The following OR56A3 variants were observed in gnomAD, a reference collection of about 807,000 sequenced individuals.
The protein encoded by OR56A3 is olfactory receptor 56A3.
Under a neutral mutation model 17.5 loss-of-function variants are expected in OR56A3, and 23 were observed. The ratio of observed to expected loss-of-function variants is 1.32; its 90% CI spans 0.95 to 1.87. The LOEUF (loss-of-function observed/expected upper bound fraction) is 1.87. OR56A3 is among the 40% of genes most tolerant of loss of function. The pLI, the probability that OR56A3 is intolerant of heterozygous loss-of-function variation, is 0.00. For synonymous variants in OR56A3, 175 were observed against 150.6 expected (o/e 1.16, Z -1.19); for missense variants, 366 against 380.1 (o/e 0.96, Z 0.31).
rs1847904164 is a variant in OR56A3, at chr11:5,950,939, A to G, written c.*2645A>G. On this transcript the variant is annotated 3_prime_UTR_variant, in exon 3 of 3. Transcript: ENST00000641160. ...TTAGAAAATATGTATTCTTCTTGAAATACATCTTATAATACAGTTATATTT... is the reference window on the plus strand; with the variant it reads ...TTAGAAAATATGTATTCTTCTTGAAGTACATCTTATAATACAGTTATATTT... The G allele has an allele frequency of 6.6e-6, 1 of 152,136 alleles. No individual in the cohort carries two copies. Among genetic ancestry groups the G allele is most frequent in the Non-Finnish European group, 1.5e-5 (1 of 67,992 alleles). The allele number at this position is 152,136 out of a possible 1,614,324, so 9.4% of individuals were successfully genotyped here. A position where few individuals can be genotyped will look rare whatever the true frequency, so the allele number is the denominator to read the frequency against.
the OR56A3 span, among the ~76,000 whole-genome samples, chr11:5,977,601 T>C: frequency 6.6e-6 from 1 of 152,230 alleles, no homozygotes; most frequent in Non-Finnish European, 1.5e-5. Context: ...TTCTTATGGA[T>C]TCTTGATATT....
intron 1 of OR56A3, among the ~76,000 whole-genome samples, chr11:5,942,841 T>A (rs1298239540): frequency 6.6e-6 from 1 of 152,258 alleles, no homozygotes; most frequent in African/African-American, 2.4e-5. Flanking sequence ...CCTGCCTGAA[T>A]TTTACCAAGA....
At chr11:5,981,754 A>G in the OR56A3 span, among the ~76,000 whole-genome samples, 1 of 152,122 alleles carries the variant, frequency 6.6e-6, no homozygotes, top group Non-Finnish European at 1.5e-5. Flanking sequence ...GAGTTGACAG[A>G]GTTCTTATGC....
chr11:5,991,792 C>A, the OR56A3 span, among the ~76,000 whole-genome samples: 2 of 152,164 alleles, frequency 1.3e-5, no homozygotes, highest in African/African-American at 4.8e-5. Flanking sequence ...ATCCTTGATA[C>A]TTTCCCAGGG....
chr11:6,000,655 T>G, the OR56A3 span: 1 of 151,778 alleles, frequency 6.6e-6, no homozygotes, highest in South Asian at 2.1e-4. Context: ...AAAGATGGGG[T>G]TTGGCAAATG....
the OR56A3 span, among the ~76,000 whole-genome samples, chr11:6,013,618 AC>A: frequency 1.3e-5 from 2 of 152,122 alleles, no homozygotes; most frequent in Non-Finnish European, 2.9e-5. Flanking sequence ...CTAGGGATCA[AC>A]CCACTCTGTC....
In OR56A3 at chr11:5,948,512, T is replaced by A; in HGVS notation, c.*218T>A. The A allele has an allele frequency of 2.0e-6, 1 of 509,072 alleles. No homozygotes were observed. Among genetic ancestry groups the A allele is most frequent in the South Asian group, 3.5e-5 (1 of 28,642 alleles). 31.5% of individuals were successfully genotyped at this position (509,072 alleles called of 1,614,324 possible). A position where few individuals can be genotyped will look rare whatever the true frequency, so the allele number is the denominator to read the frequency against. ...GGCCCTCTCTCGTTTTATTCCATGCTTATAATCATATTTTGTCCAAAACAC... is the reference window on the plus strand; with the variant it reads ...GGCCCTCTCTCGTTTTATTCCATGCATATAATCATATTTTGTCCAAAACAC... On this transcript the variant is annotated 3_prime_UTR_variant, in exon 3 of 3. Coordinates refer to ENST00000641160, the MANE Select transcript of OR56A3 (RefSeq NM_001003443.3).
At chr11:5,960,668 G>A in the OR56A3 span, among the ~76,000 whole-genome samples, 10 of 152,180 alleles carry the variant, frequency 6.6e-5, no homozygotes, top group Admixed American at 5.2e-4. Context: ...TGCAGCCTCT[G>A]CCCGGCCGCC....
chr11:6,000,177 G>A, the OR56A3 span: 16 of 152,124 alleles, frequency 1.1e-4, no homozygotes, highest in African/African-American at 3.4e-4. Flanking sequence ...TGTTTATTGC[G>A]GCACCATTCA....
the OR56A3 span, chr11:5,967,925 G>A: frequency 6.3e-7 from 1 of 1,595,168 alleles, no homozygotes; most frequent in South Asian, 1.1e-5. Flanking sequence ...CATCACAAGA[G>A]AGTTTAGACA....
At chr11:6,019,378 A>T in the OR56A3 span, 1 of 152,170 alleles carries the variant, frequency 6.6e-6, no homozygotes, top group Non-Finnish European at 1.5e-5. Context: ...ATGCAAATCA[A>T]TAAATGTGAT....
chr11:5,994,435 G>T, the OR56A3 span: 1 of 733,600 alleles, frequency 1.4e-6, no homozygotes, highest in Non-Finnish European at 2.5e-6. Flanking sequence ...TCTTGGCATG[G>T]TCCTGAGATT....
the OR56A3 span, chr11:6,021,560 G>T: frequency 6.6e-6 from 1 of 151,906 alleles, no homozygotes; most frequent in Non-Finnish European, 1.5e-5. Flanking sequence ...TTAAAGTACT[G>T]ATACTAATAT....
At chr11:5,993,493 A>G in the OR56A3 span, among the ~76,000 whole-genome samples, 13 of 152,278 alleles carry the variant, frequency 8.5e-5, no homozygotes, top group African/African-American at 3.1e-4. Context: ...GGACCCTCCT[A>G]GACTCAGTTT....
the OR56A3 span, among the ~76,000 whole-genome samples, chr11:5,970,742 A>G: frequency 6.6e-6 from 1 of 152,006 alleles, no homozygotes; most frequent in Non-Finnish European, 1.5e-5. Flanking sequence ...ATTTCCATTT[A>G]AATACTGCAC....
the OR56A3 span, chr11:5,967,702 T>C: frequency 6.8e-6 from 11 of 1,613,376 alleles, no homozygotes; most frequent in African/African-American, 2.7e-5. Context: ...CTGGCCAGGT[T>C]AGTGATGACC....
Position 5,950,804 on chromosome 11 carries a change from C to T in OR56A3, c.*2510C>T, listed in dbSNP as rs983581999. 2.0e-5 allele frequency: 3 copies of T among 152,126 alleles called. No homozygotes were observed. The South Asian group carries it at 6.2e-4, about 32-fold the overall frequency. The allele number at this position is 152,126 out of a possible 1,614,324, so 9.4% of individuals were successfully genotyped here. On this transcript the variant is annotated 3_prime_UTR_variant, in exon 3 of 3. Transcript: ENST00000641160. ...TAACATACATTTTAATTCAGACTACCCAGATTCCAAGCATTCAATAGCCAC... is the reference window on the plus strand; with the variant it reads ...TAACATACATTTTAATTCAGACTACTCAGATTCCAAGCATTCAATAGCCAC...
chr11:5,984,354 A>T, the OR56A3 span, among the ~76,000 whole-genome samples: 655 of 152,310 alleles, frequency 4.3e-3, 7 homozygotes, highest in African/African-American at 0.015. Context: ...TTACCAAAAA[A>T]ATGGTGGTTT....
At chr11:6,019,821 A>G in the OR56A3 span, 1 of 152,148 alleles carries the variant, frequency 6.6e-6, no homozygotes, top group African/African-American at 2.4e-5. Flanking sequence ...TCTCAAAAGC[A>G]TTTAGGCACA....
Sources: allele counts gnomAD v4.1 joint callset (sites outside exome capture counted in the v4.1 genomes callset), GRCh38; gene constraint gnomAD v4.1.1; transcripts MANE v1.5; gene names NCBI Gene and HGNC (gene_info 2026-07-23, HGNC 2026-07-21).